Variants in MACROH2A1 observed in about 807,000 individuals in gnomAD.
The protein encoded by MACROH2A1 is core histone macro-H2A.1.
Under a neutral mutation model 31.6 loss-of-function variants are expected in MACROH2A1, and 2 were observed. That is an observed-to-expected ratio of 0.06 (90% CI 0.03 to 0.20). The LOEUF is 0.20. Ranked by LOEUF, MACROH2A1 falls within the 10% of genes least tolerant of loss-of-function variation. The pLI, the probability that MACROH2A1 is intolerant of heterozygous loss-of-function variation, is 1.00. For missense variants in MACROH2A1, 230 were observed against 474.0 expected, an observed-to-expected ratio of 0.49 and a Z score of 4.78; for synonymous variants, 169 against 189.6, an observed-to-expected ratio of 0.89 and a Z score of 0.89.
rs1224364696 is a variant in MACROH2A1, at chr5:135,343,489, A to C, written c.779-55T>G. ...TGAGCTCTGGTTCACTGCAAAGCAC[A>C]AGATGCCAAACACAGACCCACTCCC... On this transcript the variant is annotated intron_variant, in intron 7 of 8. Coordinates refer to ENST00000511689, the MANE Select transcript of MACROH2A1 (RefSeq NM_138610.3). 1.9e-6 allele frequency: 3 copies of C among 1,602,048 alleles called. No homozygotes were observed. The African/African-American group carries it at 4.0e-5, about 21-fold the overall frequency.
Position 135,344,267 on chromosome 5 carries a change from G to A in MACROH2A1, c.779-833C>T, listed in dbSNP as rs549429028. 3.3e-5 allele frequency: 5 copies of A among 152,356 alleles called. No individual in the cohort carries two copies. The East Asian group carries it at 9.6e-4, about 29-fold the overall frequency. 9.4% of individuals were successfully genotyped at this position (152,356 alleles called of 1,614,324 possible). On this transcript the variant is annotated intron_variant, in intron 7 of 8. Transcript: ENST00000511689. ...TGCAAAGAAGGTTTCCAGGGCACTG[G>A]GTTTAGCTGCATGCTACGCTTCTAT...
intron 5 of MACROH2A1, chr5:135,359,476 A>G (rs1762570926): frequency 2.0e-6 from 2 of 983,796 alleles, no homozygotes; most frequent in Admixed American, 6.1e-5. Context: ...CAAAATACAA[A>G]GAATGGTTAA....
At chr5:135,358,181 G>T (rs762338493) in intron 5 of MACROH2A1, 8 of 985,086 alleles carry the variant, frequency 8.1e-6, no homozygotes, top group Non-Finnish European at 9.6e-6. Context: ...TCACCTGACA[G>T]TAATAGCCAA....
intron 6 of MACROH2A1, among the ~76,000 whole-genome samples, chr5:135,349,368 T>C (rs1368665817): frequency 6.6e-6 from 1 of 152,182 alleles, no homozygotes; most frequent in Non-Finnish European, 1.5e-5. Flanking sequence ...TGCCTGACTT[T>C]GGAGCTCTTT....
intron 2 of MACROH2A1, among the ~76,000 whole-genome samples, chr5:135,379,398 CAG>C (rs1362073739): frequency 1.2e-4 from 18 of 152,088 alleles, no homozygotes; most frequent in Non-Finnish European, 2.1e-4. Flanking sequence ...GATCCAGGGT[CAG>C]AGAGTTAGGC....
intron 6 of MACROH2A1, chr5:135,351,055 G>A (rs1324986986): frequency 5.2e-6 from 3 of 581,702 alleles, no homozygotes. Context: ...TCCACGCAGT[G>A]TGCGCACATG....
At chr5:135,359,608 G>T (rs868581755) in intron 5 of MACROH2A1, 6 of 984,508 alleles carry the variant, frequency 6.1e-6, no homozygotes, top group Non-Finnish European at 6.0e-6. Flanking sequence ...TTGCAATGAC[G>T]TGAGCGAGGG....
intron 4 of MACROH2A1, chr5:135,360,915 CT>C: frequency 2.1e-6 from 1 of 483,174 alleles, no homozygotes; most frequent in Non-Finnish European, 3.8e-6. Flanking sequence ...AAGTAAATGT[CT>C]CTTAATTAAG....
At chr5:135,335,272 G>C (rs1758457118) in intron 8 of MACROH2A1, 131 bp from the exon 9 acceptor site, 1 of 661,252 alleles carries the variant, frequency 1.5e-6, no homozygotes, top group African/African-American at 1.8e-5. Context: ...TGAGCCCCGT[G>C]TCTGCTTGTA....
chr5:135,374,983 A>G (rs1424602663), intron 2 of MACROH2A1, among the ~76,000 whole-genome samples: 1 of 152,202 alleles, frequency 6.6e-6, no homozygotes, highest in Non-Finnish European at 1.5e-5. Context: ...CCAATGACCA[A>G]TACTAGACTG....
rs201430943 is a variant in MACROH2A1, at chr5:135,336,516, A to G, written c.954-1375T>C. On this transcript the variant is annotated intron_variant, in intron 8 of 8. Transcript: ENST00000511689. ...CTTCACACACAGGCGGCAGCTCCTC[A>G]GCCACAGAGCAGCCAGCGCATACAA... Among the ~76,000 whole-genome samples, 235 of 151,928 alleles carry G rather than the reference A, an allele frequency of 1.5e-3. 1 individual carries two copies. The highest frequency in any genetic ancestry group is 2.5e-3 in the South Asian group (12 of 4,820).
chr5:135,370,147 G>A lies in MACROH2A1; in HGVS notation c.173-5C>T. On this transcript the variant is annotated splice_region_variant and splice_polypyrimidine_tract_variant and intron_variant, in intron 2 of 8. Coordinates refer to ENST00000511689, the MANE Select transcript of MACROH2A1 (RefSeq NM_138610.3). ...CAGCCAGCTCCAGAATCTCCGCTGT[G>A]GGGAGCAGAGATGAGTGTATGGTCA... 6.3e-7 allele frequency: 1 copy of A among 1,588,640 alleles called. No individual in the cohort carries two copies. The highest frequency in any genetic ancestry group is 8.6e-7 in the Non-Finnish European group (1 of 1,158,992).
Position 135,358,780 on chromosome 5 carries a change from G to C in MACROH2A1, c.588+1717C>G, listed in dbSNP as rs568087012. 2.9e-5 allele frequency: 28 copies of C among 980,776 alleles called. No homozygotes were observed. In the South Asian group the frequency reaches 1.3e-3, roughly 45 times the overall value. 60.8% of individuals were successfully genotyped at this position (980,776 alleles called of 1,614,324 possible). A position where few individuals can be genotyped will look rare whatever the true frequency, so the allele number is the denominator to read the frequency against. ...TCCTCACCCTACCAACTCTGAGTAG[G>C]GAACAGTCATTATTAGCCAAAATTT... On this transcript the variant is annotated intron_variant, in intron 5 of 8. Transcript: ENST00000511689.
At chr5:135,390,781 G>A (rs1767120596) in intron 1 of MACROH2A1, among the ~76,000 whole-genome samples, 2 of 152,104 alleles carry the variant, frequency 1.3e-5, no homozygotes, top group African/African-American at 2.4e-5. Context: ...GACATGCCAC[G>A]GTCCACACTT....
At chr5:135,378,902 A>C (rs559449978) in intron 2 of MACROH2A1, among the ~76,000 whole-genome samples, 2 of 152,290 alleles carry the variant, frequency 1.3e-5, no homozygotes, top group South Asian at 4.1e-4. Context: ...TGAACTAGAG[A>C]CTGCCAGGGC....
rs1435957134 is a variant in MACROH2A1 at position 135,389,493 on chromosome 5, GCTATGACACC to G, written c.-33-377_-33-368del. ...CCAAAGGCTTCATAAAAGAAAAACA[GCTATGACACC>G]CTCCCCTAAAAAGATGATGTAAAGG... On this transcript the variant is annotated intron_variant, in intron 1 of 8. Coordinates refer to ENST00000511689, the MANE Select transcript of MACROH2A1 (RefSeq NM_138610.3). 2.4e-4 allele frequency among the ~76,000 whole-genome samples: 37 copies of G among 152,290 alleles called. 1 individual carries two copies. Among genetic ancestry groups the G allele is most frequent in the Admixed American group, 2.4e-3 (36 of 15,304 alleles).
chr5:135,397,359 T>C (rs1024813645), intron 1 of MACROH2A1, among the ~76,000 whole-genome samples: 2 of 152,204 alleles, frequency 1.3e-5, no homozygotes, highest in Admixed American at 1.3e-4. Flanking sequence ...ACCAGTGGCA[T>C]GGTTGTATAC....
chr5:135,379,299 G>A (rs1340608309), intron 2 of MACROH2A1, among the ~76,000 whole-genome samples: 1 of 152,184 alleles, frequency 6.6e-6, no homozygotes, highest in African/African-American at 2.4e-5. Context: ...CTGGGTGCCA[G>A]GGAACCCACA....
At chr5:135,340,927 C>T (rs1373324039) in intron 8 of MACROH2A1, among the ~76,000 whole-genome samples, 1 of 152,202 alleles carries the variant, frequency 6.6e-6, no homozygotes, top group Non-Finnish European at 1.5e-5. Context: ...TAGGCATTTC[C>T]CCCTCTTCAA....
Sources: allele counts gnomAD v4.1 joint callset (sites outside exome capture counted in the v4.1 genomes callset), GRCh38; gene constraint gnomAD v4.1.1; transcripts MANE v1.5; gene names NCBI Gene and HGNC (gene_info 2026-07-23, HGNC 2026-07-21).